PPP1R3F: variants seen among roughly 807,000 people sequenced by gnomAD.
The protein encoded by PPP1R3F is protein phosphatase 1 regulatory subunit 3F.
In PPP1R3F, 29 loss-of-function variants were observed where a neutral mutation model predicts 24.2. That is an observed-to-expected ratio of 1.20 (90% confidence interval 0.89 to 1.63). The LOEUF (loss-of-function observed/expected upper bound fraction) is 1.63. Among genes scored for constraint, PPP1R3F ranks in the 40% most tolerant of loss-of-function variants. The pLI is 0.00. For synonymous variants in PPP1R3F, 363 were observed against 340.1 expected (o/e 1.07, Z -0.74); for missense variants, 823 against 729.3 (o/e 1.13, Z -1.48).
chrX:49,297,532 G>A (rs1400545859), intron 3 of PPP1R3F, among the ~76,000 whole-genome samples: 1 of 109,924 alleles, frequency 9.1e-6, no homozygotes, highest in Non-Finnish European at 1.9e-5. Context: ...GTATTTTTTA[G>A]TAGAGGCAGG....
At chrX:49,299,661 A>G (rs1044865970) in intron 3 of PPP1R3F, among the ~76,000 whole-genome samples, 1 of 111,942 alleles carries the variant, frequency 8.9e-6, no homozygotes, top group Non-Finnish European at 1.9e-5. Context: ...AGTTTTATCT[A>G]TAAGCCCCTG....
intron 3 of PPP1R3F, among the ~76,000 whole-genome samples, chrX:49,299,861 C>A (rs940961362): frequency 5.4e-5 from 6 of 111,907 alleles, no homozygotes; most frequent in Non-Finnish European, 1.1e-4. Flanking sequence ...GCCCCTCCCC[C>A]CACCAAGCTT....
At chrX:49,298,618 G>T (rs1557123069) in intron 3 of PPP1R3F, among the ~76,000 whole-genome samples, 1 of 111,677 alleles carries the variant, frequency 9.0e-6, no homozygotes. Flanking sequence ...ATCCAACTTG[G>T]TTCCATTCTC....
intron 3 of PPP1R3F, among the ~76,000 whole-genome samples, chrX:49,293,359 T>C (rs955397553): frequency 1.8e-5 from 2 of 112,755 alleles, no homozygotes; most frequent in Non-Finnish European, 1.9e-5. Context: ...ATTTGCTTTT[T>C]TGCCACTATA....
chrX:49,295,783 T>A, intron 3 of PPP1R3F, among the ~76,000 whole-genome samples: 1 of 102,883 alleles, frequency 9.7e-6, no homozygotes, highest in South Asian at 4.2e-4. Flanking sequence ...TAAAAAAGAC[T>A]TTTTTTTTTT....
At chrX:49,281,781 T>C (rs781899195) in intron 2 of PPP1R3F, among the ~76,000 whole-genome samples, 200 bp from the exon 3 acceptor site, 2 of 110,937 alleles carry the variant, frequency 1.8e-5, no homozygotes, top group East Asian at 5.6e-4. Flanking sequence ...TGAGTCATGA[T>C]TGTGCCACTG....
At chrX:49,290,017 C>T (rs1313660414), downstream of PPP1R3F, among the ~76,000 whole-genome samples, 6 of 110,731 alleles carry the variant, frequency 5.4e-5, no homozygotes, top group South Asian at 3.9e-4. Flanking sequence ...TGCAGTGGGC[C>T]GAGATCGCAC....
intron 1 of PPP1R3F, among the ~76,000 whole-genome samples, chrX:49,277,018 G>A (rs1370219590): frequency 2.7e-5 from 3 of 112,398 alleles, no homozygotes; most frequent in Admixed American, 1.9e-4. Context: ...CCCACTTTGG[G>A]CTGGCAAAAT....
At chrX:49,300,225 C>T (rs997602545) in intron 3 of PPP1R3F, among the ~76,000 whole-genome samples, 30 of 110,668 alleles carry the variant, frequency 2.7e-4, no homozygotes, top group Middle Eastern at 4.2e-3. Flanking sequence ...CACCGTTCAT[C>T]ACAGCACAGT....
Position 49,286,796 on chromosome X carries a change from A to C in PPP1R3F, c.2106A>C (p.Gln702His). The C allele has an allele frequency of 8.3e-7, 1 of 1,204,442 alleles. No individual in the cohort carries two copies. Among genetic ancestry groups the C allele is most frequent in the Admixed American group, 2.2e-5 (1 of 45,407 alleles). ...EPASPVLLQG[Q>H]NPTLLSPLGA... is the part of the protein sequence containing the mutation. ...CCTCTCCCGTCCTTCTGCAGGGGCA[A>C]AATCCCACCCTCCTCAGTCCCTTGG... The change falls in exon 4 of 4, where the codon CAA becomes CAC. Residue 702 changes from glutamine (Q) to histidine (H), a missense_variant. Coordinates refer to ENST00000055335, the MANE Select transcript of PPP1R3F (RefSeq NM_033215.5).
intron 1 of PPP1R3F, among the ~76,000 whole-genome samples, chrX:49,276,215 T>C (rs1426192021): frequency 8.9e-6 from 1 of 112,848 alleles, no homozygotes; most frequent in Non-Finnish European, 1.9e-5. Context: ...AGGGCAACAC[T>C]GGGCAAGTTG....
At chrX:49,296,372 A>G (rs2066322874) in intron 3 of PPP1R3F, among the ~76,000 whole-genome samples, 1 of 110,615 alleles carries the variant, frequency 9.0e-6, no homozygotes, top group African/African-American at 3.3e-5. Flanking sequence ...TATCCCTTTT[A>G]TTGTTTTTTA....
Position 49,282,079 on chromosome X carries a change from C to T in PPP1R3F, c.1143+16C>T, listed in dbSNP as rs1557120792. On this transcript the variant is annotated intron_variant, in intron 3 of 3. Transcript: ENST00000055335. ...GACACTTCAGGTAAGTGGGTCCTTG[C>T]AGCCTTGGAGTAGACAGCCCAATAG... is the stretch of plus-strand genomic sequence containing the variant. 2 of 1,167,576 alleles carry T rather than the reference C, an allele frequency of 1.7e-6. No individual in the cohort carries two copies. Among genetic ancestry groups the T allele is most frequent in the Admixed American group, 4.4e-5 (2 of 45,787 alleles).
intron 3 of PPP1R3F, among the ~76,000 whole-genome samples, chrX:49,297,315 G>A (rs1279807722): frequency 1.8e-5 from 2 of 109,065 alleles, no homozygotes; most frequent in Non-Finnish European, 3.8e-5. Context: ...CTGGGTTCAC[G>A]CCATTCTCCT....
chrX:49,278,726 T>C (rs2066229321), intron 1 of PPP1R3F, among the ~76,000 whole-genome samples: 1 of 112,694 alleles, frequency 8.9e-6, no homozygotes, highest in African/African-American at 3.2e-5. Context: ...ATTCTGTGTC[T>C]AGTGGCCTCC....
chrX:49,270,832 G>A lies in PPP1R3F; in HGVS notation c.963G>A (p.Glu321=). 1 of 1,188,480 alleles carries A rather than the reference G, an allele frequency of 8.4e-7. No individual in the cohort carries two copies. The highest frequency in any genetic ancestry group is 1.1e-6 in the Non-Finnish European group (1 of 883,866). ...QPECQGPVEA[E]ARQLKSCMKP... is the part of the protein sequence containing the mutation. ...AGTGCCAGGGTCCCGTGGAGGCTGA[G>A]GCCAGGCAGCTGAAGAGCTGCATGA... The change falls in exon 1 of 4, where the codon GAG becomes GAA. Residue 321 remains glutamate (E), a synonymous_variant. Coordinates refer to ENST00000055335, the MANE Select transcript of PPP1R3F (RefSeq NM_033215.5).
chrX:49,285,634 CA>C (rs1240330682), intron 3 of PPP1R3F, among the ~76,000 whole-genome samples, 199 bp from the exon 4 acceptor site: 2 of 111,942 alleles, frequency 1.8e-5, no homozygotes, highest in Admixed American at 1.9e-4. Flanking sequence ...TTACTGCATC[CA>C]ATTGTGTTAT....
chrX:49,279,860 C>A lies in PPP1R3F; in HGVS notation c.1005-1546C>A, dbSNP rs1045286043. ...TTTCAGAATAAGAACAGTGACTTCT[C>A]CATGATGAGATGCCACCCCTGGGAG... On this transcript the variant is annotated intron_variant, in intron 1 of 3. Transcript: ENST00000055335. Among the ~76,000 whole-genome samples the A allele has an allele frequency of 4.4e-5, 5 of 112,608 alleles. No homozygotes were observed. In the Admixed American group the frequency reaches 4.7e-4, roughly 10 times the overall value.
In PPP1R3F at chrX:49,270,571, C is replaced by G. The variant is rs782553511; in HGVS notation, c.702C>G (p.Pro234=). The part of the protein sequence containing the change: ...LGPGQASASS[P]DDGGRTDRFA... ...CCGGCCAGGCATCCGCCTCCTCGCC[C>G]GACGACGGCGGCCGCACCGACCGCT... The change falls in exon 1 of 4, where the codon CCC becomes CCG. Residue 234 remains proline (P), a synonymous_variant. Coordinates refer to ENST00000055335, the MANE Select transcript of PPP1R3F (RefSeq NM_033215.5). 8.3e-7 allele frequency: 1 copy of G among 1,201,893 alleles called. No individual in the cohort carries two copies. Among genetic ancestry groups the G allele is most frequent in the Admixed American group, 2.2e-5 (1 of 45,868 alleles).
Sources: allele counts gnomAD v4.1 joint callset (sites outside exome capture counted in the v4.1 genomes callset), GRCh38; gene constraint gnomAD v4.1.1; transcripts MANE v1.5; gene names NCBI Gene and HGNC (gene_info 2026-07-23, HGNC 2026-07-21).